CDC42EP3: variants seen among roughly 807,000 people sequenced by gnomAD.
The protein encoded by CDC42EP3 is CDC42 effector protein (Rho GTPase binding) 3.
A neutral mutation model predicts 15.5 loss-of-function variants in CDC42EP3; 4 were observed. The ratio of observed to expected loss-of-function variants is 0.26; its 90% CI spans 0.13 to 0.59. CDC42EP3 has a LOEUF of 0.59. CDC42EP3 is among the 20% of genes least tolerant of loss of function. The pLI is 0.89. For synonymous variants in CDC42EP3, 145 were observed against 130.3 expected (o/e 1.11, Z -0.77); for missense variants, 309 against 311.2 (o/e 0.99, Z 0.05).
At position 37,643,196 on chromosome 2, in the gene CDC42EP3, A is replaced by G. The variant is rs1665324549; in HGVS notation, c.*2627T>C. 6.6e-6 allele frequency: 1 copy of G among 152,204 alleles called. No individual in the cohort carries two copies. The highest frequency in any genetic ancestry group is 2.4e-5 in the African/African-American group (1 of 41,446). The allele number at this position is 152,204 out of a possible 1,614,324, so 9.4% of individuals were successfully genotyped here. A position where few individuals can be genotyped will look rare whatever the true frequency, so the allele number is the denominator to read the frequency against. ...TAAAGATAAATTAGGTTAAAGTGGG[A>G]GAAGGTTCACAGGATGAGAACATCA... On this transcript the variant is annotated 3_prime_UTR_variant, in exon 2 of 2. Coordinates refer to ENST00000295324, the MANE Select transcript of CDC42EP3 (RefSeq NM_006449.5).
intron 1 of CDC42EP3, among the ~76,000 whole-genome samples, chr2:37,669,049 T>C (rs1385368136): frequency 1.3e-5 from 2 of 152,166 alleles, no homozygotes; most frequent in African/African-American, 4.8e-5. Context: ...TTCTGGTTAG[T>C]AAGAAATGAG....
At chr2:37,649,396 G>A (rs74893295) in intron 1 of CDC42EP3, among the ~76,000 whole-genome samples, 5 of 137,694 alleles carry the variant, frequency 3.6e-5, no homozygotes, top group African/African-American at 1.1e-4. Context: ...TCAAGGCTGC[G>A]GAGAGCTATG....
intron 1 of CDC42EP3, among the ~76,000 whole-genome samples, chr2:37,669,355 A>G (rs903160793): frequency 6.6e-6 from 1 of 152,204 alleles, no homozygotes; most frequent in Non-Finnish European, 1.5e-5. Flanking sequence ...CATGTTGGAC[A>G]TAAAACAAAA....
chr2:37,652,123 C>A (rs1169614261), intron 1 of CDC42EP3, among the ~76,000 whole-genome samples: 5 of 118,006 alleles, frequency 4.2e-5, no homozygotes, highest in African/African-American at 1.3e-4. Context: ...TGCAGTGAGC[C>A]AAGATCGTGC....
chr2:37,672,027 C>T (rs1003592717), upstream of CDC42EP3: 1 of 152,216 alleles, frequency 6.6e-6, no homozygotes, highest in African/African-American at 2.4e-5. Context: ...TCCGCCCGCA[C>T]CCCGGACTCC....
chr2:37,672,818 C>G (rs1666476959), upstream of CDC42EP3, among the ~76,000 whole-genome samples: 1 of 152,178 alleles, frequency 6.6e-6, no homozygotes, highest in African/African-American at 2.4e-5. Context: ...CGCGGAGAAC[C>G]TCCCGGATAC....
intron 1 of CDC42EP3, among the ~76,000 whole-genome samples, chr2:37,660,154 TAC>T (rs1233159038): frequency 5.9e-5 from 9 of 152,312 alleles, no homozygotes; most frequent in South Asian, 4.1e-4. Flanking sequence ...TCTACTGAAA[TAC>T]AGAGTGGAGG....
chr2:37,657,472 G>C (rs1031910441), intron 1 of CDC42EP3, among the ~76,000 whole-genome samples: 3 of 152,194 alleles, frequency 2.0e-5, no homozygotes, highest in African/African-American at 7.2e-5. Flanking sequence ...GGCTATACAT[G>C]AGTGTTCCTG....
In CDC42EP3 at chr2:37,669,415, G is replaced by T. The variant is rs543222939; in HGVS notation, c.-236+2011C>A. ...GCGCAGACAGGGCAAATGAACTCAT[G>T]TGAGCCCTTCTGCAATCACTGTTAC... On this transcript the variant is annotated intron_variant, in intron 1 of 1. Coordinates refer to ENST00000295324, the MANE Select transcript of CDC42EP3 (RefSeq NM_006449.5). Among the ~76,000 whole-genome samples, 7 of 152,300 alleles carry T rather than the reference G, an allele frequency of 4.6e-5. No individual in the cohort carries two copies. In the South Asian group the frequency reaches 1.5e-3, roughly 32 times the overall value.
Position 37,669,863 on chromosome 2 carries a change from T to C in CDC42EP3, c.-236+1563A>G, listed in dbSNP as rs149879052. 7.9e-4 allele frequency among the ~76,000 whole-genome samples: 120 copies of C among 152,366 alleles called. 1 individual carries two copies. Among genetic ancestry groups the C allele is most frequent in the African/African-American group, 2.8e-3 (115 of 41,588 alleles). Reference sequence around the variant, plus strand: ...TCCTTGACTATAGAAAGGGCCTTTATCATTTATTTCACATATGAAAATGCT... The same window carrying C: ...TCCTTGACTATAGAAAGGGCCTTTACCATTTATTTCACATATGAAAATGCT... On this transcript the variant is annotated intron_variant, in intron 1 of 1. Transcript: ENST00000295324.
At chr2:37,666,036 C>G (rs1193399716) in intron 1 of CDC42EP3, among the ~76,000 whole-genome samples, 1 of 152,162 alleles carries the variant, frequency 6.6e-6, no homozygotes, top group Non-Finnish European at 1.5e-5. Flanking sequence ...TTTGATTGCC[C>G]TCACTTAATT....
At chr2:37,672,281 C>T (rs1017908313), upstream of CDC42EP3, 7 of 152,432 alleles carry the variant, frequency 4.6e-5, no homozygotes, top group Admixed American at 3.9e-4. Flanking sequence ...GAATAAGCGC[C>T]CTGAAGATGC....
At chr2:37,663,571 C>G (rs1666148563) in intron 1 of CDC42EP3, among the ~76,000 whole-genome samples, 1 of 152,174 alleles carries the variant, frequency 6.6e-6, no homozygotes, top group Non-Finnish European at 1.5e-5. Flanking sequence ...GGGGCTTGAC[C>G]TATTTCCACA....
intron 1 of CDC42EP3, among the ~76,000 whole-genome samples, chr2:37,665,617 C>T (rs1269229746): frequency 1.3e-5 from 2 of 152,160 alleles, no homozygotes; most frequent in Non-Finnish European, 2.9e-5. Flanking sequence ...TTCAACTAAA[C>T]TCATGACAAC....
chr2:37,668,705 ATCC>A (rs1317045514), intron 1 of CDC42EP3, among the ~76,000 whole-genome samples: 1 of 152,362 alleles, frequency 6.6e-6, no homozygotes, highest in Admixed American at 6.5e-5. Context: ...TAACTGGTCT[ATCC>A]TCAGTCTCTA....
At position 37,646,322 on chromosome 2, in the gene CDC42EP3, C is replaced by T. The variant is rs769079067; in HGVS notation, c.266G>A (p.Ser89Asn). 22 of 1,614,000 alleles carry T rather than the reference C, an allele frequency of 1.4e-5. No homozygotes were observed. The Middle Eastern group carries it at 8.2e-4, about 60-fold the overall frequency. The change falls in exon 2 of 2, where the codon AGC becomes AAC. Residue 89 changes from serine to asparagine, a missense_variant. By Grantham distance (46) the Ser-to-Asn change is conservative. Coordinates refer to ENST00000295324, the MANE Select transcript of CDC42EP3 (RefSeq NM_006449.5). ...PGHNEFFRANSTSDSVFTETP... is the reference protein window; with the variant it reads ...PGHNEFFRANNTSDSVFTETP... Reference sequence around the variant, plus strand: ...TTCTGTGAACACAGAGTCCGAGGTGCTGTTGGCCCGGAAGAACTCATTATG... The same window carrying T: ...TTCTGTGAACACAGAGTCCGAGGTGTTGTTGGCCCGGAAGAACTCATTATG...
At chr2:37,672,418 C>G (rs536491485), upstream of CDC42EP3, 314 of 152,330 alleles carry the variant, frequency 2.1e-3, 1 homozygote, top group African/African-American at 7.1e-3. Flanking sequence ...TGGGGCAAGC[C>G]GGTGGCGGCT....
At chr2:37,650,527 T>A (rs1249742905) in intron 1 of CDC42EP3, among the ~76,000 whole-genome samples, 1 of 152,214 alleles carries the variant, frequency 6.6e-6, no homozygotes, top group Non-Finnish European at 1.5e-5. Context: ...TGACATGGAC[T>A]AGCTGAGGAA....
intron 1 of CDC42EP3, among the ~76,000 whole-genome samples, chr2:37,658,920 C>T (rs1479693935): frequency 6.6e-6 from 1 of 152,238 alleles, no homozygotes; most frequent in Admixed American, 6.5e-5. Context: ...TCACTCTCTG[C>T]TTTAAAACCT....
Sources: allele counts gnomAD v4.1 joint callset (sites outside exome capture counted in the v4.1 genomes callset), GRCh38; gene constraint gnomAD v4.1.1; transcripts MANE v1.5; gene names NCBI Gene and HGNC (gene_info 2026-07-23, HGNC 2026-07-21).